Variants in MAP2K4 observed in about 807,000 individuals in gnomAD.
MAP2K4 encodes dual specificity mitogen-activated protein kinase kinase 4.
MAP2K4 carries 4 observed loss-of-function variants against 48.5 expected under a neutral mutation model. The ratio of observed to expected loss-of-function variants is 0.08; its 90% CI spans 0.04 to 0.19. MAP2K4 has a LOEUF of 0.19. Among genes scored for constraint, MAP2K4 ranks in the 10% least tolerant of loss-of-function variants. The pLI, the probability that MAP2K4 is intolerant of heterozygous loss-of-function variation, is 1.00. For synonymous variants in MAP2K4, 166 were observed against 173.1 expected, an observed-to-expected ratio of 0.96 and a Z score of 0.32; for missense variants, 258 against 493.3, an observed-to-expected ratio of 0.52 and a Z score of 4.52.
At chr17:12,132,658 C>T (rs28921081) in intron 9 of MAP2K4, among the ~76,000 whole-genome samples, 7 of 151,550 alleles carry the variant, frequency 4.6e-5, no homozygotes, top group Non-Finnish European at 7.4e-5. Context: ...AAGACCTTGC[C>T]GACTGAGGTG....
intron 4 of MAP2K4, among the ~76,000 whole-genome samples, chr17:12,104,205 T>C (rs578240859): frequency 1.3e-5 from 2 of 152,280 alleles, no homozygotes; most frequent in East Asian, 3.9e-4. Context: ...ATGATCCACA[T>C]TGGCTCCTAG....
At chr17:12,043,649 T>C (rs1029241581) in intron 1 of MAP2K4, among the ~76,000 whole-genome samples, 1 of 152,152 alleles carries the variant, frequency 6.6e-6, no homozygotes, top group Non-Finnish European at 1.5e-5. Context: ...TTGGCTTTAT[T>C]ATAAAGGTTA....
intron 3 of MAP2K4, among the ~76,000 whole-genome samples, chr17:12,086,895 G>A (rs1335345023): frequency 2.0e-5 from 3 of 152,120 alleles, no homozygotes; most frequent in African/African-American, 2.4e-5. Flanking sequence ...CGCCCAGGCT[G>A]GAGTGCAGTG....
intron 9 of MAP2K4, among the ~76,000 whole-genome samples, chr17:12,130,605 C>T (rs571082976): frequency 2.6e-4 from 40 of 152,138 alleles, no homozygotes; most frequent in African/African-American, 9.4e-4. Context: ...TTTCTGTTTC[C>T]CTTGATGCCA....
intron 2 of MAP2K4, among the ~76,000 whole-genome samples, chr17:12,058,846 T>C (rs1970365028): frequency 6.6e-6 from 1 of 152,178 alleles, no homozygotes; most frequent in African/African-American, 2.4e-5. Flanking sequence ...AGTTTTTTTA[T>C]TTTTAATAGT....
intron 10 of MAP2K4, among the ~76,000 whole-genome samples, chr17:12,140,489 A>G (rs1973343228): frequency 6.6e-6 from 1 of 152,212 alleles, no homozygotes; most frequent in Non-Finnish European, 1.5e-5. Context: ...AAAAATATCT[A>G]GTCAACATAC....
At chr17:12,030,713 GTTTTCTT>G (rs1415889846) in intron 1 of MAP2K4, among the ~76,000 whole-genome samples, 1 of 152,128 alleles carries the variant, frequency 6.6e-6, no homozygotes, top group East Asian at 1.9e-4. Context: ...TTACAAATTT[GTTTTCTT>G]GCTCCTTTCG....
intron 10 of MAP2K4, 25 bp downstream of exon 10, chr17:12,139,909 T>C: frequency 1.3e-6 from 2 of 1,560,390 alleles, no homozygotes; most frequent in Non-Finnish European, 8.7e-7. Context: ...GTGGGGATTG[T>C]AGGTACATCC....
chr17:12,027,511 G>C lies in MAP2K4; in HGVS notation c.115+6510G>C, dbSNP rs556151497. Among the ~76,000 whole-genome samples the C allele has an allele frequency of 3.0e-4, 45 of 151,706 alleles. 1 individual carries two copies. Among genetic ancestry groups the C allele is most frequent in the African/African-American group, 1.1e-3 (44 of 41,296 alleles). ...CACACACACACACAGACACCAAATT[G>C]TTCAAACATTTAAAAAAAGAGGAAT... On this transcript the variant is annotated intron_variant, in intron 1 of 10. Transcript: ENST00000353533.
In MAP2K4 at chr17:12,022,283, TGATA is replaced by T. The variant is rs369881873; in HGVS notation, c.115+1287_115+1290del. 2.0e-3 allele frequency among the ~76,000 whole-genome samples: 308 copies of T among 152,286 alleles called. 2 individuals are homozygous for T. Among genetic ancestry groups the T allele is most frequent in the African/African-American group, 6.9e-3 (285 of 41,552 alleles). ...TAATTTTAATATACATAAAAACCAGTGATAGATATATAGACAGGATGATGTCAGA... is the reference window on the plus strand; with the variant it reads ...TAATTTTAATATACATAAAAACCAGTGATATATAGACAGGATGATGTCAGA... On this transcript the variant is annotated intron_variant, in intron 1 of 10. Coordinates refer to ENST00000353533, the MANE Select transcript of MAP2K4 (RefSeq NM_003010.4).
chr17:12,121,464 A>G (rs1171107695), intron 7 of MAP2K4, among the ~76,000 whole-genome samples: 10 of 151,756 alleles, frequency 6.6e-5, no homozygotes, highest in Admixed American at 5.9e-4. Context: ...CATACCAGCT[A>G]CTCAGGAGGC....
At chr17:12,117,928 A>C (rs1972555062) in intron 7 of MAP2K4, among the ~76,000 whole-genome samples, 4 of 152,194 alleles carry the variant, frequency 2.6e-5, no homozygotes, top group Admixed American at 2.6e-4. Flanking sequence ...GCTAAAAATG[A>C]AGATCTTGGT....
intron 3 of MAP2K4, among the ~76,000 whole-genome samples, chr17:12,082,915 C>T (rs1971239373): frequency 6.6e-6 from 1 of 152,120 alleles, no homozygotes. Context: ...TATTTTGTGC[C>T]ACTGCAGTGT....
intron 7 of MAP2K4, chr17:12,115,896 G>A: frequency 1.7e-6 from 1 of 602,776 alleles, no homozygotes; most frequent in Non-Finnish European, 3.2e-6. Flanking sequence ...GGACCTCCTA[G>A]TCCAGCCTGT....
At chr17:12,104,516 C>T (rs565680715) in intron 4 of MAP2K4, among the ~76,000 whole-genome samples, 182 of 151,794 alleles carry the variant, frequency 1.2e-3, no homozygotes, top group African/African-American at 4.1e-3. Context: ...AATTGCATTT[C>T]CTTGATTGGT....
intron 9 of MAP2K4, among the ~76,000 whole-genome samples, chr17:12,131,650 A>G (rs1973028470): frequency 6.6e-6 from 1 of 152,094 alleles, no homozygotes. Context: ...AATATGGGAG[A>G]ATGTTTTCAT....
intron 8 of MAP2K4, among the ~76,000 whole-genome samples, chr17:12,127,457 C>G (rs1247221593): frequency 1.3e-5 from 2 of 152,160 alleles, no homozygotes; most frequent in African/African-American, 4.8e-5. Flanking sequence ...TACTTCTTTA[C>G]AGAAAGAAAA....
At chr17:12,031,917 A>G (rs1014662342) in intron 1 of MAP2K4, among the ~76,000 whole-genome samples, 3 of 152,194 alleles carry the variant, frequency 2.0e-5, no homozygotes, top group Non-Finnish European at 4.4e-5. Flanking sequence ...CTCATTCTGT[A>G]TTTGTAGGTT....
intron 1 of MAP2K4, among the ~76,000 whole-genome samples, chr17:12,046,677 T>C (rs953933037): frequency 2.7e-4 from 41 of 152,282 alleles, no homozygotes; most frequent in Middle Eastern, 3.4e-3. Flanking sequence ...GGGGCTATTA[T>C]AATCAATGGC....
Sources: allele counts gnomAD v4.1 joint callset (sites outside exome capture counted in the v4.1 genomes callset), GRCh38; gene constraint gnomAD v4.1.1; transcripts MANE v1.5; gene names NCBI Gene and HGNC (gene_info 2026-07-23, HGNC 2026-07-21).